The following ZMYM6 variants were observed in gnomAD, a reference collection of about 807,000 sequenced individuals.
The protein encoded by ZMYM6 is zinc finger MYM-type protein 6.
Under a neutral mutation model 134.0 loss-of-function variants are expected in ZMYM6, and 90 were observed. That is an observed-to-expected ratio of 0.67 (90% CI 0.57 to 0.80). ZMYM6 has a LOEUF of 0.80. ZMYM6 is among the 30% of genes least tolerant of loss of function. The pLI, the probability that ZMYM6 is intolerant of heterozygous loss-of-function variation, is 0.00. For missense variants in ZMYM6, 1,362 were observed against 1,533.9 expected, an observed-to-expected ratio of 0.89 and a Z score of 1.87; for synonymous variants, 481 against 524.1, an observed-to-expected ratio of 0.92 and a Z score of 1.12.
chr1:35,030,689 T>G lies in ZMYM6; in HGVS notation c.-50A>C. The G allele has an allele frequency of 6.5e-7, 1 of 1,532,872 alleles. No individual in the cohort carries two copies. Among genetic ancestry groups the G allele is most frequent in the Admixed American group, 1.8e-5 (1 of 54,852 alleles). 95.0% of individuals were successfully genotyped at this position (1,532,872 alleles called of 1,614,324 possible). ...TCTCAGGCTCAAACGAATAGATTTCTTCTTGGTAATGGATAGTTGGACACC... is the reference window on the plus strand; with the variant it reads ...TCTCAGGCTCAAACGAATAGATTTCGTCTTGGTAATGGATAGTTGGACACC... On this transcript the variant is annotated 5_prime_UTR_variant, in exon 2 of 16. Coordinates refer to ENST00000357182, the MANE Select transcript of ZMYM6 (RefSeq NM_007167.4).
intron 10 of ZMYM6, among the ~76,000 whole-genome samples, chr1:35,010,207 G>T (rs1000601854): frequency 2.6e-5 from 4 of 151,704 alleles, no homozygotes; most frequent in African/African-American, 9.7e-5. Flanking sequence ...TTTTAACAGA[G>T]ATGGGGTTTC....
At chr1:35,014,947 CTCTT>C in intron 5 of ZMYM6, 37 bp downstream of exon 5, 4 of 1,608,748 alleles carry the variant, frequency 2.5e-6, no homozygotes, top group African/African-American at 1.3e-5. Flanking sequence ...AAAAAAAAAT[CTCTT>C]TCAGCAGAAT....
chr1:34,998,370 T>G (rs1021503014), intron 14 of ZMYM6, among the ~76,000 whole-genome samples: 2 of 152,222 alleles, frequency 1.3e-5, no homozygotes, highest in Non-Finnish European at 2.9e-5. Flanking sequence ...TACGTAGCTT[T>G]ATATCTGTAG....
Position 35,019,500 on chromosome 1 carries a change from C to G in ZMYM6, c.281G>C (p.Gly94Ala). 6.2e-7 allele frequency: 1 copy of G among 1,613,850 alleles called. No individual in the cohort carries two copies. The highest frequency in any genetic ancestry group is 1.1e-5 in the South Asian group (1 of 91,052). Residue 94 changes from glycine to alanine, a missense_variant, in exon 4 of 16, where the codon GGT becomes GCT. Physicochemically the swap from Gly to Ala is moderately conservative, Grantham distance 60. Around this residue, in one of 3 missense-constraint regions of ZMYM6, gnomAD observed 503 missense variants for 520.8 expected, o/e 0.97. Transcript: ENST00000357182. ...PAVAIKVFCS[G>A]CKKMLYKGQT... ...GCCCTTATAAAGCATTTTTTTACAACCAGAACAAAAAACCTTAATAGCAAC... is the reference window on the plus strand; with the variant it reads ...GCCCTTATAAAGCATTTTTTTACAAGCAGAACAAAAAACCTTAATAGCAAC...
intron 3 of ZMYM6, 76 bp from the exon 4 acceptor site, chr1:35,019,678 CTTT>C: frequency 2.9e-6 from 4 of 1,379,806 alleles, no homozygotes; most frequent in Non-Finnish European, 3.9e-6. Context: ...CTCTCTCTCT[CTTT>C]TTTCTTTTTC....
intron 13 of ZMYM6, 114 bp from the exon 14 acceptor site, chr1:35,004,119 TC>T (rs1253857849): frequency 2.3e-6 from 2 of 886,218 alleles, no homozygotes; most frequent in African/African-American, 3.5e-5. Context: ...CCAGAGTTTC[TC>T]AGAAAAATGG....
rs1640616999 is a variant in ZMYM6 at position 34,988,843 on chromosome 1, C to G, written c.2239G>C (p.Glu747Gln). The G allele has an allele frequency of 1.3e-6, 2 of 1,589,166 alleles. No homozygotes were observed. Among genetic ancestry groups the G allele is most frequent in the Non-Finnish European group, 1.7e-6 (2 of 1,165,488 alleles). Residue 747 changes from glutamate (E) to glutamine (Q), a missense_variant, in exon 16 of 16, where the codon GAA (glutamate) becomes CAA (glutamine). Physicochemically the swap from Glu to Gln is conservative, Grantham distance 29 (BLOSUM62 2). Coordinates refer to ENST00000357182, the MANE Select transcript of ZMYM6 (RefSeq NM_007167.4). ...ATAATAAAACCAACTTTTAAATATTCTGTATCATAAGTCTGGAAAAAACCT... is the reference window on the plus strand; with the variant it reads ...ATAATAAAACCAACTTTTAAATATTGTGTATCATAAGTCTGGAAAAAACCT... ...RLGFFQTYDT[E>Q]YLKVGFIICP...
At chr1:34,990,947 C>T (rs1215017990) in intron 15 of ZMYM6, among the ~76,000 whole-genome samples, 1 of 152,172 alleles carries the variant, frequency 6.6e-6, no homozygotes, top group East Asian at 1.9e-4. Context: ...TCACCGCAAC[C>T]TCTACCTCCC....
intron 2 of ZMYM6, 152 bp downstream of exon 2, chr1:35,030,395 A>T: frequency 1.5e-6 from 1 of 673,370 alleles, no homozygotes; most frequent in Non-Finnish European, 2.5e-6. Flanking sequence ...AGATCGCACC[A>T]CTGCACTACA....
chr1:35,031,235 AG>A (rs1252100567), intron 1 of ZMYM6: 1 of 152,294 alleles, frequency 6.6e-6, no homozygotes, highest in East Asian at 1.9e-4. Flanking sequence ...GGCGAACAAC[AG>A]GAACGCCCTT....
At chr1:35,015,184 A>G in intron 4 of ZMYM6, 22 bp from the exon 5 acceptor site, 1 of 1,562,498 alleles carries the variant, frequency 6.4e-7, no homozygotes, top group East Asian at 2.3e-5. Flanking sequence ...TAACAAAGGT[A>G]AAAATGAAAT....
At chr1:34,993,878 G>A (rs375242128) in intron 14 of ZMYM6, among the ~76,000 whole-genome samples, 1 of 150,866 alleles carries the variant, frequency 6.6e-6, no homozygotes, top group African/African-American at 2.4e-5. Flanking sequence ...GTAGAGATGG[G>A]ATTTCACCGT....
chr1:34,996,288 GTAGT>G (rs1439559860), intron 14 of ZMYM6, among the ~76,000 whole-genome samples: 1 of 152,088 alleles, frequency 6.6e-6, no homozygotes, highest in Middle Eastern at 3.4e-3. Flanking sequence ...TTACTTTAGT[GTAGT>G]TAGATATTTT....
intron 2 of ZMYM6, among the ~76,000 whole-genome samples, chr1:35,026,874 T>C (rs1479948018): frequency 6.6e-6 from 1 of 152,190 alleles, no homozygotes; most frequent in Non-Finnish European, 1.5e-5. Context: ...AAGACCAATT[T>C]CTGACTTCAG....
In ZMYM6 at chr1:35,015,131, T is replaced by C. The variant is rs776922843; in HGVS notation, c.460A>G (p.Thr154Ala). The part of the protein sequence containing the change: ...DILNPKDVIT[T>A]RFENSYPSKD... ...CTAGGATAGGAATTCTCAAAGCGAG[T>C]TGTGATCACATCCTTAGGATTTAAA... Residue 154 changes from threonine (T) to alanine (A), a missense_variant, in exon 5 of 16, where the codon ACT (threonine) becomes GCT (alanine). Coordinates refer to ENST00000357182, the MANE Select transcript of ZMYM6 (RefSeq NM_007167.4). The C allele has an allele frequency of 6.8e-6, 11 of 1,609,396 alleles. No homozygotes were observed. The South Asian group carries it at 1.0e-4, about 15-fold the overall frequency.
intron 12 of ZMYM6, among the ~76,000 whole-genome samples, chr1:35,006,161 C>A (rs1449315119): frequency 6.6e-6 from 1 of 152,192 alleles, no homozygotes; most frequent in Middle Eastern, 3.2e-3. Flanking sequence ...GCACACACCA[C>A]CACACTTGGC....
In ZMYM6 at chr1:35,019,379, G is replaced by A. The variant is rs1641263128; in HGVS notation, c.402C>T (p.Pro134=). ...HSSPACLPPP[P]KKTCTNCSKD... The stretch of plus-strand genomic sequence containing the variant: ...TCGAGCAGTTTGTGCAGGTTTTCTT[G>A]GGAGGAGGTGGCAGGCAGGCAGGTG... Residue 134 remains proline (P), a synonymous_variant, in exon 4 of 16, where the codon CCC becomes CCT. Coordinates refer to ENST00000357182, the MANE Select transcript of ZMYM6 (RefSeq NM_007167.4). 1 of 1,614,062 alleles carries A rather than the reference G, an allele frequency of 6.2e-7. No individual in the cohort carries two copies. Among genetic ancestry groups the A allele is most frequent in the South Asian group, 1.1e-5 (1 of 91,082 alleles).
chr1:35,006,497 ATAAT>A (rs1306503738), intron 12 of ZMYM6, among the ~76,000 whole-genome samples: 3 of 152,184 alleles, frequency 2.0e-5, no homozygotes, highest in African/African-American at 7.2e-5. Flanking sequence ...ATTTTCTGAG[ATAAT>A]TAACGTGTTG....
chr1:35,017,538 ATGAG>A (rs1297342053), intron 4 of ZMYM6: 1 of 152,210 alleles, frequency 6.6e-6, no homozygotes, highest in African/African-American at 2.4e-5. Flanking sequence ...ACACATGCAA[ATGAG>A]TGTTATATCG....
Sources: gnomAD v4.1 joint callset for allele counts (sites outside exome capture counted in the v4.1 genomes callset) on GRCh38, gnomAD v4.1.1 for gene constraint, gnomAD v4.1.1 regional missense constraint, MANE v1.5 for transcripts, NCBI Gene and HGNC (gene_info 2026-07-23, HGNC 2026-07-21) for gene names.